AGBL4: variants seen among roughly 807,000 people sequenced by gnomAD.
AGBL4 encodes AGBL carboxypeptidase 4, also known as cytosolic carboxypeptidase 6.
AGBL4 carries 58 observed loss-of-function variants against 66.4 expected under a neutral mutation model. That is an observed-to-expected ratio of 0.87 (90% CI 0.71 to 1.09). The LOEUF (loss-of-function observed/expected upper bound fraction) is 1.09. Among genes scored for constraint, AGBL4 ranks in the 50% least tolerant of loss-of-function variants. AGBL4 has a pLI of 0.00. For missense variants in AGBL4, 579 were observed against 631.0 expected, an observed-to-expected ratio of 0.92 and a Z score of 0.88; for synonymous variants, 234 against 222.9, an observed-to-expected ratio of 1.05 and a Z score of -0.44.
chr1:49,347,317 T>C (rs1380839182), intron 3 of AGBL4, among the ~76,000 whole-genome samples: 6 of 149,768 alleles, frequency 4.0e-5, no homozygotes, highest in African/African-American at 1.2e-4. Flanking sequence ...AGTGGCACGA[T>C]CTCAGCTCAC....
At chr1:49,411,933 T>C (rs1197193461) in intron 3 of AGBL4, among the ~76,000 whole-genome samples, 1 of 152,178 alleles carries the variant, frequency 6.6e-6, no homozygotes, top group Non-Finnish European at 1.5e-5. Context: ...AGAAATCCAA[T>C]ATATTATTAT....
intron 1 of AGBL4, among the ~76,000 whole-genome samples, chr1:50,018,678 G>C (rs1392588640): frequency 6.6e-6 from 1 of 151,986 alleles, no homozygotes; most frequent in Non-Finnish European, 1.5e-5. Context: ...GTGACACTGA[G>C]CCACAATGCT....
Position 49,614,314 on chromosome 1 carries a change from CT to C in AGBL4, c.282+82998del, listed in dbSNP as rs983587435. On this transcript the variant is annotated intron_variant, in intron 3 of 13. Coordinates refer to ENST00000371839, the MANE Select transcript of AGBL4 (RefSeq NM_032785.4). The stretch of plus-strand genomic sequence containing the variant: ...TGAATGGAATCATATGGTATATACT[CT>C]TTTTTTCTGGCCCCCTTCTCTCAAT... 4.6e-5 allele frequency among the ~76,000 whole-genome samples: 7 copies of C among 152,114 alleles called. No homozygotes were observed. The East Asian group carries it at 1.2e-3, about 25-fold the overall frequency.
chr1:48,885,676 A>C (rs759328160), intron 5 of AGBL4, among the ~76,000 whole-genome samples: 1 of 152,078 alleles, frequency 6.6e-6, no homozygotes, highest in Non-Finnish European at 1.5e-5. Flanking sequence ...TTAATCTCTT[A>C]TTTAATGTTG....
At position 49,259,933 on chromosome 1, in the gene AGBL4, AG is replaced by A. The variant is rs1166922925; in HGVS notation, c.283-14070del. Among the ~76,000 whole-genome samples the A allele has an allele frequency of 1.6e-4, 24 of 151,030 alleles. 1 individual carries two copies. Among genetic ancestry groups the A allele is most frequent in the African/African-American group, 5.9e-4 (24 of 40,984 alleles). Reference sequence around the variant, plus strand: ...TAAAGCTCTCCTCAGCAAATGTAAAAGAACAGAGATTATAACAAACTGTCTC... The same window carrying A: ...TAAAGCTCTCCTCAGCAAATGTAAAAAACAGAGATTATAACAAACTGTCTC... On this transcript the variant is annotated intron_variant, in intron 3 of 13. Transcript: ENST00000371839.
At chr1:48,896,884 G>A (rs1214144257) in intron 5 of AGBL4, among the ~76,000 whole-genome samples, 1 of 151,876 alleles carries the variant, frequency 6.6e-6, no homozygotes, top group East Asian at 1.9e-4. Context: ...TTCTTTTTGG[G>A]ACTAGTTCTG....
rs2148839047 is a variant in AGBL4, at chr1:49,551,904, G to T, written c.282+145409C>A. Among the ~76,000 whole-genome samples, 2 of 152,290 alleles carry T rather than the reference G, an allele frequency of 1.3e-5. 1 individual carries two copies. The highest frequency in any genetic ancestry group is 4.1e-4 in the South Asian group (2 of 4,828). ...TTTAGTTACCAGGTGGGGCAGGAAA[G>T]GACCATCAGGTGGAGGCACAGCTAG... On this transcript the variant is annotated intron_variant, in intron 3 of 13. Coordinates refer to ENST00000371839, the MANE Select transcript of AGBL4 (RefSeq NM_032785.4).
chr1:49,318,848 G>A (rs1352755535), intron 3 of AGBL4, among the ~76,000 whole-genome samples: 1 of 152,072 alleles, frequency 6.6e-6, no homozygotes, highest in Non-Finnish European at 1.5e-5. Context: ...TATCTTACAA[G>A]TATCTTGCTT....
At chr1:49,519,015 A>T (rs1650054262) in intron 3 of AGBL4, among the ~76,000 whole-genome samples, 1 of 152,100 alleles carries the variant, frequency 6.6e-6, no homozygotes, top group Non-Finnish European at 1.5e-5. Flanking sequence ...TATTTGCTCT[A>T]CTAAAAATAA....
intron 6 of AGBL4, among the ~76,000 whole-genome samples, chr1:48,664,378 CCCA>C (rs1646154473): frequency 6.6e-6 from 1 of 152,146 alleles, no homozygotes; most frequent in Non-Finnish European, 1.5e-5. Context: ...CATTTGAATT[CCCA>C]CAACTAAAGA....
chr1:49,700,295 TTAAATAGA>T (rs1393600666), intron 2 of AGBL4, among the ~76,000 whole-genome samples: 5 of 123,910 alleles, frequency 4.0e-5, no homozygotes, highest in African/African-American at 1.2e-4. Flanking sequence ...TATAAAAACA[TTAAATAGA>T]TAGATAGATA....
At position 49,841,504 on chromosome 1, in the gene AGBL4, T is replaced by C. The variant is rs116190833; in HGVS notation, c.157+9892A>G. ...AATTAGAAAAAAATCATAAAATTCATATGGAACCAAAAAAGAGTCCAAATA... is the reference window on the plus strand; with the variant it reads ...AATTAGAAAAAAATCATAAAATTCACATGGAACCAAAAAAGAGTCCAAATA... On this transcript the variant is annotated intron_variant, in intron 2 of 13. Coordinates refer to ENST00000371839, the MANE Select transcript of AGBL4 (RefSeq NM_032785.4). Among the ~76,000 whole-genome samples the C allele has an allele frequency of 2.2e-3, 332 of 152,146 alleles. 2 individuals carry two copies. The highest frequency in any genetic ancestry group is 7.4e-3 in the African/African-American group (307 of 41,506).
intron 3 of AGBL4, among the ~76,000 whole-genome samples, chr1:49,322,082 C>T (rs146353978): frequency 5.6e-4 from 85 of 152,284 alleles, no homozygotes; most frequent in African/African-American, 1.9e-3. Context: ...ATGAGCATTG[C>T]TCTGTTAAAT....
intron 3 of AGBL4, among the ~76,000 whole-genome samples, chr1:49,338,687 A>G (rs1249607528): frequency 2.0e-5 from 3 of 152,186 alleles, no homozygotes; most frequent in African/African-American, 7.2e-5. Flanking sequence ...GGAAGCAAGG[A>G]ACTAAGTAAA....
At chr1:48,909,663 G>C (rs919503577) in intron 5 of AGBL4, among the ~76,000 whole-genome samples, 2 of 152,012 alleles carry the variant, frequency 1.3e-5, no homozygotes, top group African/African-American at 4.8e-5. Flanking sequence ...AACTTGCTCG[G>C]GAAAAAAACA....
At chr1:48,752,937 G>A (rs1012319977) in intron 6 of AGBL4, among the ~76,000 whole-genome samples, 4 of 151,938 alleles carry the variant, frequency 2.6e-5, no homozygotes, top group Admixed American at 2.0e-4. Context: ...TTTAGTAGAG[G>A]CGGGGTTTCA....
chr1:49,749,271 C>G (rs1028150550), intron 2 of AGBL4, among the ~76,000 whole-genome samples: 2 of 151,966 alleles, frequency 1.3e-5, no homozygotes, highest in African/African-American at 2.4e-5. Flanking sequence ...GAATCCTTTC[C>G]CCATTGCTTG....
rs539591833 is a variant in AGBL4 at position 49,777,305 on chromosome 1, A to C, written c.157+74091T>G. 1.1e-4 allele frequency among the ~76,000 whole-genome samples: 16 copies of C among 152,300 alleles called. No individual in the cohort carries two copies. In the East Asian group the frequency reaches 3.1e-3, roughly 29 times the overall value. On this transcript the variant is annotated intron_variant, in intron 2 of 13. Coordinates refer to ENST00000371839, the MANE Select transcript of AGBL4 (RefSeq NM_032785.4). ...ATAACACTGTTTAAATTCCTTGCAA[A>C]CAGTACTTTTGTAGAAATGCAGCAT...
intron 11 of AGBL4, among the ~76,000 whole-genome samples, chr1:48,582,713 T>A (rs1644758495): frequency 6.6e-6 from 1 of 152,074 alleles, no homozygotes; most frequent in South Asian, 2.1e-4. Context: ...GCAAAGTGAG[T>A]ACTATTTTTA....
Sources: gnomAD v4.1 joint callset for allele counts (sites outside exome capture counted in the v4.1 genomes callset) on GRCh38, gnomAD v4.1.1 for gene constraint, MANE v1.5 for transcripts, NCBI Gene and HGNC (gene_info 2026-07-23, HGNC 2026-07-21) for gene names.